The following GLIS3 variants were observed in gnomAD, a reference collection of about 807,000 sequenced individuals.
GLIS3 encodes GLIS family zinc finger 3.
GLIS3 carries 53 observed loss-of-function variants against 78.6 expected under a neutral mutation model. The observed-to-expected ratio is 0.67, with a 90% CI of 0.54 to 0.85. GLIS3 has a LOEUF of 0.85. Among genes scored for constraint, GLIS3 ranks in the 40% least tolerant of loss-of-function variants. The pLI is 0.00. For missense variants in GLIS3, 1,703 were observed against 1,231.1 expected (o/e 1.38, Z -5.74); for synonymous variants, 684 against 509.9 (o/e 1.34, Z -4.60).
At chr9:4,329,856 G>T (rs916891587) in intron 2 of GLIS3, among the ~76,000 whole-genome samples, 1 of 152,124 alleles carries the variant, frequency 6.6e-6, no homozygotes, top group Non-Finnish European at 1.5e-5. Flanking sequence ...TGATGAATTC[G>T]ACTGAAACAG....
chr9:4,350,748 T>C (rs1817958917), upstream of GLIS3, among the ~76,000 whole-genome samples: 1 of 152,110 alleles, frequency 6.6e-6, no homozygotes, highest in Non-Finnish European at 1.5e-5. Flanking sequence ...GCTGCCTCTA[T>C]GTCTCTTCTA....
chr9:3,956,032 A>G (rs1328378916), intron 4 of GLIS3, among the ~76,000 whole-genome samples: 44 of 149,338 alleles, frequency 2.9e-4, no homozygotes, highest in Middle Eastern at 3.4e-3. Flanking sequence ...ATTCAGCAAA[A>G]AAAAAAAAAA....
chr9:4,217,123 G>A (rs542186532), intron 2 of GLIS3, among the ~76,000 whole-genome samples: 16 of 152,188 alleles, frequency 1.1e-4, no homozygotes, highest in Admixed American at 2.6e-4. Context: ...AATTAAATGC[G>A]GTCTGGAAAC....
intron 2 of GLIS3, among the ~76,000 whole-genome samples, chr9:4,164,386 G>A (rs183741919): frequency 2.0e-4 from 31 of 152,236 alleles, no homozygotes; most frequent in African/African-American, 7.5e-4. Flanking sequence ...CTAATTAATT[G>A]GAATTTTCCA....
intron 4 of GLIS3, among the ~76,000 whole-genome samples, chr9:4,003,191 G>T (rs1821258654): frequency 6.6e-6 from 1 of 152,118 alleles, no homozygotes; most frequent in African/African-American, 2.4e-5. Flanking sequence ...ACCAGCCTGG[G>T]CAACATAGCA....
At chr9:4,088,222 C>A (rs1414861503) in intron 4 of GLIS3, among the ~76,000 whole-genome samples, 2 of 152,206 alleles carry the variant, frequency 1.3e-5, no homozygotes. Context: ...ATCGGGGCAC[C>A]TGCCACACTT....
intron 2 of GLIS3, among the ~76,000 whole-genome samples, chr9:4,328,695 C>A (rs1489480520): frequency 6.6e-6 from 1 of 152,222 alleles, no homozygotes; most frequent in Non-Finnish European, 1.5e-5. Context: ...AGCTTGTGAC[C>A]TTGGGTGAAT....
intron 6 of GLIS3, among the ~76,000 whole-genome samples, chr9:3,905,298 T>C (rs1244941323): frequency 3.9e-5 from 6 of 151,996 alleles, no homozygotes; most frequent in Non-Finnish European, 7.4e-5. Context: ...CCTGACTCTT[T>C]GATATTCTAG....
chr9:3,993,606 A>T (rs1005584690), intron 4 of GLIS3, among the ~76,000 whole-genome samples: 3 of 152,214 alleles, frequency 2.0e-5, no homozygotes, highest in African/African-American at 7.2e-5. Flanking sequence ...TAGGTTCCTA[A>T]TGAATGTCCA....
At chr9:3,960,984 G>C (rs1238428618) in intron 4 of GLIS3, among the ~76,000 whole-genome samples, 2 of 152,140 alleles carry the variant, frequency 1.3e-5, no homozygotes. Context: ...CTGCCATAAA[G>C]AATTGGGGAA....
At chr9:4,203,384 G>A (rs1366661496) in intron 2 of GLIS3, among the ~76,000 whole-genome samples, 1 of 152,224 alleles carries the variant, frequency 6.6e-6, no homozygotes, top group African/African-American at 2.4e-5. Context: ...CAGTGGGAAT[G>A]CAATTTCGTT....
intron 4 of GLIS3, among the ~76,000 whole-genome samples, chr9:4,075,394 C>G (rs1054059265): frequency 9.9e-6 from 1 of 101,326 alleles, no homozygotes; most frequent in African/African-American, 3.4e-5. Flanking sequence ...AGGTGAAACC[C>G]GTCTCTACTA....
At chr9:4,236,152 G>C (rs964848749) in intron 2 of GLIS3, among the ~76,000 whole-genome samples, 6 of 116,252 alleles carry the variant, frequency 5.2e-5, no homozygotes, top group Non-Finnish European at 9.7e-5. Context: ...GTGCTCCCTG[G>C]CCACAGCTAG....
chr9:4,273,327 G>A (rs1252812489), intron 2 of GLIS3, among the ~76,000 whole-genome samples: 1 of 152,126 alleles, frequency 6.6e-6, no homozygotes, highest in Non-Finnish European at 1.5e-5. Flanking sequence ...AAGCACGGTG[G>A]CTCATGTCTG....
chr9:4,384,416 GTTCT>G, the GLIS3 span, among the ~76,000 whole-genome samples: 4 of 152,052 alleles, frequency 2.6e-5, no homozygotes, highest in South Asian at 2.1e-4. Context: ...TCAGCTTTGT[GTTCT>G]TTAACAAGGA....
At chr9:3,883,859 C>A (rs751011281) in intron 7 of GLIS3, among the ~76,000 whole-genome samples, 1 of 152,160 alleles carries the variant, frequency 6.6e-6, no homozygotes, top group Non-Finnish European at 1.5e-5. Context: ...TGGTAGTCTC[C>A]CTGAGGAAAT....
chr9:4,340,100 G>A (rs945739206), intron 2 of GLIS3, among the ~76,000 whole-genome samples: 7 of 151,612 alleles, frequency 4.6e-5, no homozygotes, highest in African/African-American at 1.7e-4. Context: ...TTAGCATGAG[G>A]TTGATATTCC....
chr9:4,205,836 G>A (rs1244002402), intron 2 of GLIS3, among the ~76,000 whole-genome samples: 2 of 152,252 alleles, frequency 1.3e-5, no homozygotes, highest in African/African-American at 2.4e-5. Context: ...GCAGTTTCAA[G>A]GGATAGGTAG....
At chr9:4,015,821 G>A (rs772873091) in intron 4 of GLIS3, among the ~76,000 whole-genome samples, 11 of 150,828 alleles carry the variant, frequency 7.3e-5, no homozygotes, top group East Asian at 1.9e-4. Context: ...CCCAGAAGGC[G>A]GAGGTTGCAG....
Sources: gnomAD v4.1 joint callset for allele counts (sites outside exome capture counted in the v4.1 genomes callset) on GRCh38, gnomAD v4.1.1 for gene constraint, MANE v1.5 for transcripts, NCBI Gene and HGNC (gene_info 2026-07-23, HGNC 2026-07-21) for gene names.